The following ITGAE variants were observed in gnomAD, a reference collection of about 807,000 sequenced individuals.
ITGAE encodes the protein integrin subunit alpha E, also known as integrin alpha-E.
In ITGAE, 99 loss-of-function variants were observed where a neutral mutation model predicts 136.5. The ratio of observed to expected loss-of-function variants is 0.73; its 90% CI spans 0.62 to 0.86. The LOEUF (loss-of-function observed/expected upper bound fraction) is 0.86, where lower values mean the gene tolerates loss of function less well. ITGAE is among the 40% of genes least tolerant of loss of function. ITGAE has a pLI of 0.00. For synonymous variants in ITGAE, 613 were observed against 591.8 expected (o/e 1.04, Z -0.52); for missense variants, 1,447 against 1,515.3 (o/e 0.95, Z 0.75).
At chr17:3,746,148 A>G (rs528063384) in intron 17 of ITGAE, among the ~76,000 whole-genome samples, 6 of 152,156 alleles carry the variant, frequency 3.9e-5, no homozygotes, top group Non-Finnish European at 4.4e-5. Flanking sequence ...CCAAACCCGG[A>G]GCAGCACATT....
chr17:3,786,347 A>G (rs555208851), intron 1 of ITGAE, among the ~76,000 whole-genome samples: 1 of 152,256 alleles, frequency 6.6e-6, no homozygotes, highest in Admixed American at 6.6e-5. Context: ...GGAGATCTCT[A>G]CGCCCAGATA....
At chr17:3,763,778 G>T in intron 3 of ITGAE, 91 bp downstream of exon 3, 2 of 1,008,286 alleles carry the variant, frequency 2.0e-6, no homozygotes, top group Non-Finnish European at 3.2e-6. Context: ...ATGAGGCAGG[G>T]CTGGGGTTGG....
chr17:3,756,229 T>A (rs1434408928), intron 10 of ITGAE, among the ~76,000 whole-genome samples: 3 of 100,678 alleles, frequency 3.0e-5, no homozygotes, highest in Admixed American at 9.3e-5. Context: ...TTGGCCTTTT[T>A]TTTTTTTTTT....
intron 1 of ITGAE, among the ~76,000 whole-genome samples, chr17:3,789,015 G>T (rs1398829255): frequency 1.3e-5 from 2 of 151,988 alleles, no homozygotes; most frequent in African/African-American, 2.4e-5. Flanking sequence ...GGAGGCTGAG[G>T]TGGGAGGATC....
intron 1 of ITGAE, among the ~76,000 whole-genome samples, chr17:3,784,551 T>C (rs570807314): frequency 2.0e-5 from 3 of 151,938 alleles, no homozygotes; most frequent in South Asian, 2.1e-4. Context: ...CGCGCCACCA[T>C]GCCCGCCTAA....
rs1212372799 is a variant in ITGAE, at chr17:3,790,497, C to A, written c.34+10614G>T. Among the ~76,000 whole-genome samples, 7 of 147,126 alleles carry A rather than the reference C, an allele frequency of 4.8e-5. No individual in the cohort carries two copies. In the East Asian group the frequency reaches 1.2e-3, roughly 25 times the overall value. ...ACTCCAGCCTGGTGATAGAGCAAGACTCCGTCTCAAACAAACACACACACA... is the reference window on the plus strand; with the variant it reads ...ACTCCAGCCTGGTGATAGAGCAAGAATCCGTCTCAAACAAACACACACACA... On this transcript the variant is annotated intron_variant, in intron 1 of 30. Coordinates refer to ENST00000263087, the MANE Select transcript of ITGAE (RefSeq NM_002208.5).
chr17:3,727,786 C>G, intron 26 of ITGAE, 133 bp downstream of exon 26: 2 of 660,218 alleles, frequency 3.0e-6, no homozygotes, highest in South Asian at 1.8e-5. Flanking sequence ...AACAGGACTT[C>G]GGGAATTTAC....
intron 1 of ITGAE, among the ~76,000 whole-genome samples, chr17:3,796,538 C>G (rs1374933914): frequency 6.6e-6 from 1 of 152,148 alleles, no homozygotes; most frequent in Non-Finnish European, 1.5e-5. Context: ...GGAGGCTCAG[C>G]ACGTGGAGGC....
At position 3,724,109 on chromosome 17, in the gene ITGAE, G is replaced by A; in HGVS notation, c.3085-365C>T. On this transcript the variant is annotated intron_variant, in intron 26 of 30. Coordinates refer to ENST00000263087, the MANE Select transcript of ITGAE (RefSeq NM_002208.5). ...GCGACGCCAGCATCGGCGACCCCTC[G>A]CAGTCCGACGATCCTGACGATCCCG... The A allele has an allele frequency of 3.1e-6, 5 of 1,594,352 alleles. No individual in the cohort carries two copies. In the African/African-American group the frequency reaches 5.4e-5, roughly 17 times the overall value.
At chr17:3,791,511 G>C (rs1005345848) in intron 1 of ITGAE, among the ~76,000 whole-genome samples, 6 of 152,104 alleles carry the variant, frequency 3.9e-5, no homozygotes, top group African/African-American at 1.4e-4. Flanking sequence ...TCAAACTCCT[G>C]ACCTCAGGTG....
chr17:3,790,816 T>TGCG (rs1381975032), intron 1 of ITGAE, among the ~76,000 whole-genome samples: 1 of 152,140 alleles, frequency 6.6e-6, no homozygotes, highest in Non-Finnish European at 1.5e-5. Context: ...GCATGTCATG[T>TGCG]GCGGACCTTG....
intron 29 of ITGAE, among the ~76,000 whole-genome samples, chr17:3,719,770 G>A (rs1280263995): frequency 1.4e-5 from 2 of 147,622 alleles, no homozygotes; most frequent in Non-Finnish European, 2.9e-5. Context: ...CTCTATCACT[G>A]AGGCTGGAGT....
intron 1 of ITGAE, among the ~76,000 whole-genome samples, chr17:3,784,723 T>C (rs2052745208): frequency 6.6e-6 from 1 of 152,156 alleles, no homozygotes; most frequent in African/African-American, 2.4e-5. Flanking sequence ...CGTGAAACAT[T>C]TACCAAAATT....
intron 24 of ITGAE, among the ~76,000 whole-genome samples, chr17:3,728,877 T>G (rs890321646): frequency 2.2e-4 from 33 of 151,460 alleles, no homozygotes; most frequent in African/African-American, 7.3e-4. Flanking sequence ...TATTAAAAAT[T>G]TTTTAAAAAT....
chr17:3,787,165 G>A (rs1237668740), intron 1 of ITGAE, among the ~76,000 whole-genome samples: 1 of 151,406 alleles, frequency 6.6e-6, no homozygotes, highest in East Asian at 2.0e-4. Context: ...AGGCTGGAGT[G>A]CAGTGGTGTG....
At chr17:3,730,899 G>A (rs1041929980) in intron 23 of ITGAE, among the ~76,000 whole-genome samples, 7 of 152,334 alleles carry the variant, frequency 4.6e-5, no homozygotes, top group African/African-American at 1.4e-4. Context: ...TACTTTGTGT[G>A]TGAACAAAAG....
chr17:3,767,776 C>T (rs182223134), intron 2 of ITGAE, among the ~76,000 whole-genome samples: 65 of 152,142 alleles, frequency 4.3e-4, no homozygotes, highest in East Asian at 2.9e-3. Context: ...GAGCGAGTTA[C>T]CTTGCCCAGC....
At chr17:3,739,218 T>G (rs2051528746) in intron 20 of ITGAE, among the ~76,000 whole-genome samples, 1 of 152,120 alleles carries the variant, frequency 6.6e-6, no homozygotes, top group Non-Finnish European at 1.5e-5. Flanking sequence ...ATTGAAAACT[T>G]CAGCATCAGC....
At chr17:3,787,129 T>G (rs542643006) in intron 1 of ITGAE, among the ~76,000 whole-genome samples, 1 of 151,950 alleles carries the variant, frequency 6.6e-6, no homozygotes, top group South Asian at 2.1e-4. Context: ...CTTTTTTTTT[T>G]GAGATGGAGT....
Sources: gnomAD v4.1 joint callset for allele counts (sites outside exome capture counted in the v4.1 genomes callset) on GRCh38, gnomAD v4.1.1 for gene constraint, MANE v1.5 for transcripts, NCBI Gene and HGNC (gene_info 2026-07-23, HGNC 2026-07-21) for gene names.